KANSL1L: variants seen among roughly 807,000 people sequenced by gnomAD.
The protein encoded by KANSL1L is KAT8 regulatory NSL complex subunit 1-like protein.
KANSL1L carries 25 observed loss-of-function variants against 108.6 expected under a neutral mutation model. That is an observed-to-expected ratio of 0.23 (90% CI 0.17 to 0.32). The LOEUF (loss-of-function observed/expected upper bound fraction) is 0.32, where lower values mean the gene tolerates loss of function less well. KANSL1L is among the 10% of genes least tolerant of loss of function. The pLI, the probability that KANSL1L is intolerant of heterozygous loss-of-function variation, is 1.00. For missense variants in KANSL1L, 1,137 were observed against 1,125.7 expected (o/e 1.01, Z -0.14); for synonymous variants, 405 against 395.1 (o/e 1.03, Z -0.30).
rs376526491 is a variant in KANSL1L, at chr2:210,084,527, A to G, written c.1551-8771T>C. Among the ~76,000 whole-genome samples, 140 of 152,332 alleles carry G rather than the reference A, an allele frequency of 9.2e-4. 2 individuals are homozygous for G. In the South Asian group the frequency reaches 0.019, roughly 20 times the overall value. ...TAATATTAACTGAAAAAGATATAAA[A>G]TTACTTCTAATAGATCTAAACTATG... On this transcript the variant is annotated intron_variant, in intron 5 of 14. Coordinates refer to ENST00000281772, the MANE Select transcript of KANSL1L (RefSeq NM_152519.4).
intron 5 of KANSL1L, among the ~76,000 whole-genome samples, chr2:210,078,673 T>G (rs983070769): frequency 1.3e-5 from 2 of 152,170 alleles, no homozygotes; most frequent in African/African-American, 2.4e-5. Flanking sequence ...ATTTCACACA[T>G]TAACAATAAT....
At chr2:210,099,574 T>C (rs2094772574) in intron 4 of KANSL1L, among the ~76,000 whole-genome samples, 1 of 152,214 alleles carries the variant, frequency 6.6e-6, no homozygotes, top group Non-Finnish European at 1.5e-5. Flanking sequence ...CCAATAGAAA[T>C]GGATTCTTTA....
chr2:210,084,880 G>C (rs1249719864), intron 5 of KANSL1L, among the ~76,000 whole-genome samples: 1 of 152,106 alleles, frequency 6.6e-6, no homozygotes, highest in African/African-American at 2.4e-5. Flanking sequence ...AAAGTGCTGG[G>C]ATTACAGGCA....
At chr2:210,171,727 AAAAC>A (rs1379265875), upstream of KANSL1L, 2 of 151,780 alleles carry the variant, frequency 1.3e-5, no homozygotes, top group East Asian at 1.9e-4. Flanking sequence ...CCGTGACAGA[AAAAC>A]AAAACCCTGA....
intron 6 of KANSL1L, among the ~76,000 whole-genome samples, chr2:210,068,086 C>T (rs2094480080): frequency 6.6e-6 from 1 of 152,082 alleles, no homozygotes; most frequent in Admixed American, 6.6e-5. Context: ...CCATGTTGGC[C>T]AGGCTGGTCT....
chr2:210,030,730 A>T (rs997700379), intron 9 of KANSL1L: 2 of 152,028 alleles, frequency 1.3e-5, no homozygotes, highest in African/African-American at 4.8e-5. Context: ...TCTATATATA[A>T]AAATTGGCCA....
intron 2 of KANSL1L, among the ~76,000 whole-genome samples, chr2:210,146,647 A>C (rs2095267944): frequency 6.6e-6 from 1 of 152,218 alleles, no homozygotes; most frequent in Non-Finnish European, 1.5e-5. Context: ...TTTTCTAAGC[A>C]ATATGGTCCA....
At chr2:210,123,441 T>C (rs769691553) in intron 3 of KANSL1L, among the ~76,000 whole-genome samples, 7 of 151,930 alleles carry the variant, frequency 4.6e-5, no homozygotes, top group Non-Finnish European at 8.8e-5. Flanking sequence ...GAAAGACAAA[T>C]TGTGCATGTT....
intron 6 of KANSL1L, among the ~76,000 whole-genome samples, chr2:210,073,283 A>G (rs1214772697): frequency 6.6e-6 from 1 of 152,204 alleles, no homozygotes; most frequent in Non-Finnish European, 1.5e-5. Context: ...AGAAAACAAA[A>G]TATGAGTTCC....
intron 2 of KANSL1L, among the ~76,000 whole-genome samples, chr2:210,130,170 G>A (rs1329922762): frequency 1.3e-5 from 2 of 152,118 alleles, no homozygotes; most frequent in Admixed American, 6.6e-5. Flanking sequence ...TGACAATGAC[G>A]TGTTAATGTA....
rs1688323223 is a variant in KANSL1L, at chr2:210,171,299, GCC to G, written c.-182_-181del. On this transcript the variant is annotated 5_prime_UTR_variant, in exon 1 of 15. Coordinates refer to ENST00000281772, the MANE Select transcript of KANSL1L (RefSeq NM_152519.4). ...AGCGCGCCCCGCTCCCGCCCCGGCCGCCGCCGCCGCCGCCGCCGCCGCCGCCG... is the reference window on the plus strand; with the variant it reads ...AGCGCGCCCCGCTCCCGCCCCGGCCGGCCGCCGCCGCCGCCGCCGCCGCCG... 1 of 120 alleles carries G rather than the reference GCC, an allele frequency of 8.3e-3. No individual in the cohort carries two copies. Among genetic ancestry groups the G allele is most frequent in the African/African-American group, 0.033 (1 of 30 alleles). The allele number at this position is 120 out of a possible 1,614,324, so 0.0% of individuals were successfully genotyped here. A position where few individuals can be genotyped will look rare whatever the true frequency, so the allele number is the denominator to read the frequency against.
chr2:210,091,777 C>T (rs971558872), intron 5 of KANSL1L, among the ~76,000 whole-genome samples: 2 of 152,102 alleles, frequency 1.3e-5, no homozygotes, highest in Non-Finnish European at 2.9e-5. Context: ...TTTATTTGTT[C>T]TTGAACCCTT....
Position 210,166,746 on chromosome 2 carries a change from G to C in KANSL1L, c.-30+4403C>G, listed in dbSNP as rs1364836482. 2.6e-5 allele frequency among the ~76,000 whole-genome samples: 4 copies of C among 152,182 alleles called. No individual in the cohort carries two copies. The East Asian group carries it at 5.8e-4, about 22-fold the overall frequency. On this transcript the variant is annotated intron_variant, in intron 1 of 14. Transcript: ENST00000281772. ...TCAGAAAGACAGCAGATTTATACTTGATGCTTAAATAAAGTGAAAAGACTA... is the reference window on the plus strand; with the variant it reads ...TCAGAAAGACAGCAGATTTATACTTCATGCTTAAATAAAGTGAAAAGACTA...
intron 2 of KANSL1L, among the ~76,000 whole-genome samples, chr2:210,131,253 T>C (rs2095117247): frequency 6.6e-6 from 1 of 152,134 alleles, no homozygotes; most frequent in Non-Finnish European, 1.5e-5. Flanking sequence ...ATATAGCCTA[T>C]TCTGACTAAA....
At position 210,021,682 on chromosome 2, in the gene KANSL1L, C is replaced by T. The variant is rs1304169397; in HGVS notation, c.*1267G>A. On this transcript the variant is annotated 3_prime_UTR_variant, in exon 15 of 15. Coordinates refer to ENST00000281772, the MANE Select transcript of KANSL1L (RefSeq NM_152519.4). ...AATCTCACAGATAAGGCCAAATGGC[C>T]AATATTTTCAGTTATGTGGGTAGTA... The T allele has an allele frequency of 6.6e-6, 1 of 152,204 alleles. No homozygotes were observed. Among genetic ancestry groups the T allele is most frequent in the Non-Finnish European group, 1.5e-5 (1 of 67,924 alleles). The allele number at this position is 152,204 out of a possible 1,614,324, so 9.4% of individuals were successfully genotyped here.
At chr2:210,139,728 C>T (rs2095210556) in intron 2 of KANSL1L, among the ~76,000 whole-genome samples, 1 of 150,434 alleles carries the variant, frequency 6.6e-6, no homozygotes, top group African/African-American at 2.4e-5. Flanking sequence ...CTATTCAGGT[C>T]CTTTGCCCAT....
intron 3 of KANSL1L, among the ~76,000 whole-genome samples, chr2:210,112,367 G>T (rs2094915325): frequency 6.6e-6 from 1 of 152,060 alleles, no homozygotes; most frequent in African/African-American, 2.4e-5. Context: ...AGATAGAAAA[G>T]ACAGTACCCA....
intron 6 of KANSL1L, among the ~76,000 whole-genome samples, chr2:210,071,884 G>A (rs1186083425): frequency 6.6e-6 from 1 of 152,028 alleles, no homozygotes; most frequent in African/African-American, 2.4e-5. Context: ...CTTTTTGGTT[G>A]CACATGGCTG....
chr2:210,070,453 A>T (rs1575470681), intron 6 of KANSL1L, among the ~76,000 whole-genome samples: 1 of 149,830 alleles, frequency 6.7e-6, no homozygotes, highest in African/African-American at 2.5e-5. Flanking sequence ...GATGGTCTAG[A>T]TCTCCTGACC....
Sources: gnomAD v4.1 joint callset for allele counts (sites outside exome capture counted in the v4.1 genomes callset) on GRCh38, gnomAD v4.1.1 for gene constraint, MANE v1.5 for transcripts, NCBI Gene and HGNC (gene_info 2026-07-23, HGNC 2026-07-21) for gene names.